DNAH17: variants seen among roughly 807,000 people sequenced by gnomAD.
DNAH17 encodes axonemal beta dynein heavy chain 17.
Under a neutral mutation model 485.6 loss-of-function variants are expected in DNAH17, and 376 were observed. The ratio of observed to expected loss-of-function variants is 0.77; its 90% CI spans 0.71 to 0.84. The LOEUF is 0.84. Among genes scored for constraint, DNAH17 ranks in the 40% least tolerant of loss-of-function variants. DNAH17 has a pLI of 0.00. For synonymous variants in DNAH17, 3,031 were observed against 2,405.9 expected, an observed-to-expected ratio of 1.26 and a Z score of -7.60; for missense variants, 6,370 against 5,839.3, an observed-to-expected ratio of 1.09 and a Z score of -2.96.
In DNAH17 at chr17:78,468,878, G is replaced by C. The variant is rs747224579; in HGVS notation, c.8517C>G (p.Asp2839Glu). 14 of 1,612,734 alleles carry C rather than the reference G, an allele frequency of 8.7e-6. No individual in the cohort carries two copies. In the South Asian group the frequency reaches 1.5e-4, roughly 18 times the overall value. Residue 2839 changes from aspartate (D) to glutamate (E), a missense_variant, in exon 55 of 81, where the codon GAC (aspartate) becomes GAG (glutamate). Transcript: ENST00000389840. ...CAGCCTTTATGTACTGAGCAGCGAG[G>C]TCAATCTGGACGGAGTGAGGACACG... ...KGYGIPDLKIDLAAQYIKAAV... is the reference protein window; with the variant it reads ...KGYGIPDLKIELAAQYIKAAV...
At chr17:78,460,341 T>TGTGCATGTGC in intron 58 of DNAH17, 84 bp from the exon 59 acceptor site, 3 of 936,500 alleles carry the variant, frequency 3.2e-6, no homozygotes, top group Non-Finnish European at 3.2e-6. Context: ...TGTGCATGTG[T>TGTGCATGTGC]GTGCATGTGT....
At chr17:78,507,187 G>T in intron 29 of DNAH17, 91 bp downstream of exon 29, 3 of 1,463,366 alleles carry the variant, frequency 2.1e-6, no homozygotes, top group Non-Finnish European at 2.8e-6. Context: ...GTCCTGGCCA[G>T]CAGGCTGCAC....
At chr17:78,512,181 G>C (rs918837628) in intron 26 of DNAH17, among the ~76,000 whole-genome samples, 1 of 152,228 alleles carries the variant, frequency 6.6e-6, no homozygotes, top group African/African-American at 2.4e-5. Flanking sequence ...CATAGGTACG[G>C]ATCTCTTGGG....
At chr17:78,456,526 A>G (rs377134237) in intron 62 of DNAH17, among the ~76,000 whole-genome samples, 62 of 152,220 alleles carry the variant, frequency 4.1e-4, no homozygotes, top group African/African-American at 1.4e-3. Flanking sequence ...GGTGAGGACC[A>G]CGGTGGCCAC....
rs376336751 is a variant in DNAH17, at chr17:78,566,981, C to A, written c.1452+18G>T. 498 of 1,599,810 alleles carry A rather than the reference C, an allele frequency of 3.1e-4. 1 individual carries two copies. The African/African-American group carries it at 6.3e-3, about 20-fold the overall frequency. On this transcript the variant is annotated intron_variant, in intron 10 of 80. Transcript: ENST00000389840. Reference sequence around the variant, plus strand: ...TTCTCACCGAGTCCAGTTCATCCAACCCTGCCCGAGGACCTACCGAGTCTC... The same window carrying A: ...TTCTCACCGAGTCCAGTTCATCCAAACCTGCCCGAGGACCTACCGAGTCTC...
At chr17:78,484,829 C>T (rs572362929) in intron 48 of DNAH17, 39 bp downstream of exon 48, 4 of 1,489,658 alleles carry the variant, frequency 2.7e-6, no homozygotes, top group Non-Finnish European at 3.6e-6. Context: ...CTCACCGCCC[C>T]GGGGCCACGC....
Position 78,502,675 on chromosome 17 carries a change from G to C in DNAH17, c.5106C>G (p.Ile1702Met), listed in dbSNP as rs370931769. The C allele has an allele frequency of 6.2e-7, 1 of 1,612,544 alleles. No individual in the cohort carries two copies. Among genetic ancestry groups the C allele is most frequent in the Non-Finnish European group, 8.5e-7 (1 of 1,179,942 alleles). The change falls in exon 33 of 81, where the codon ATC (isoleucine) becomes ATG (methionine). Residue 1702 changes from isoleucine to methionine, a missense_variant. Ile to Met is a conservative substitution (Grantham distance 10). Coordinates refer to ENST00000389840, the MANE Select transcript of DNAH17 (RefSeq NM_173628.4). The stretch of plus-strand genomic sequence containing the variant: ...CCAGGCCCACCTCGGTCGTCCACCA[G>C]ATCTGGGTGCAAGTCAGGGCCACCT... ...PAQVALTCTQ[I>M]WWTTEVGLAF...
At chr17:78,485,109 T>A (rs1425558329) in intron 47 of DNAH17, 76 bp from the exon 48 acceptor site, 2 of 1,482,770 alleles carry the variant, frequency 1.3e-6, no homozygotes, top group African/African-American at 1.4e-5. Flanking sequence ...GGGCGCTACC[T>A]GCTTCCCCGG....
chr17:78,435,051 G>C (rs1330649815), intron 74 of DNAH17, among the ~76,000 whole-genome samples: 1 of 152,206 alleles, frequency 6.6e-6, no homozygotes, highest in African/African-American at 2.4e-5. Context: ...TGGACAAGAA[G>C]GGGAGCAGCT....
At position 78,502,716 on chromosome 17, in the gene DNAH17, C is replaced by A. The variant is rs760099694; in HGVS notation, c.5083-18G>T. The A allele has an allele frequency of 6.2e-7, 1 of 1,608,288 alleles. No individual in the cohort carries two copies. The highest frequency in any genetic ancestry group is 1.1e-5 in the South Asian group (1 of 90,720). On this transcript the variant is annotated intron_variant, in intron 32 of 80. Transcript: ENST00000389840. ...AGGGCCACCTGAAAGTACATACCCCCCATTGCCCACGCAGTGAGCGATCGC... is the reference window on the plus strand; with the variant it reads ...AGGGCCACCTGAAAGTACATACCCCACATTGCCCACGCAGTGAGCGATCGC...
rs150140927 is a variant in DNAH17, at chr17:78,441,081, C to G, written c.11647G>C (p.Val3883Leu). 1 of 1,607,964 alleles carries G rather than the reference C, an allele frequency of 6.2e-7. No homozygotes were observed. Among genetic ancestry groups the G allele is most frequent in the Non-Finnish European group, 8.5e-7 (1 of 1,177,090 alleles). Residue 3883 changes from valine to leucine, a missense_variant, in exon 72 of 81, where the codon GTT becomes CTT. Physicochemically the swap from Val to Leu is conservative, Grantham distance 32 (BLOSUM62 1). Transcript: ENST00000389840. ...GCTTCCACGTCTTTCAAGGGGTCAA[C>G]CCCCGGGGAGAGGATGAAGAAGATT... is the stretch of plus-strand genomic sequence containing the variant. ...TSIFFILSPG[V>L]DPLKDVEALG...
In DNAH17 at chr17:78,474,875, C is replaced by T. The variant is rs144021438; in HGVS notation, c.8511+403G>A. 2.3e-3 allele frequency among the ~76,000 whole-genome samples: 353 copies of T among 151,142 alleles called. 3 individuals are homozygous for T. The highest frequency in any genetic ancestry group is 8.0e-3 in the African/African-American group (329 of 40,938). Reference sequence around the variant, plus strand: ...GTCATGCGGGCCGGAAGATTTCACACCCTTCACCTCAGTCACATGGGCCGG... The same window carrying T: ...GTCATGCGGGCCGGAAGATTTCACATCCTTCACCTCAGTCACATGGGCCGG... On this transcript the variant is annotated intron_variant, in intron 54 of 80. Transcript: ENST00000389840.
At chr17:78,529,383 A>G (rs2091165913) in intron 22 of DNAH17, 89 bp downstream of exon 22, 2 of 1,265,588 alleles carry the variant, frequency 1.6e-6, no homozygotes, top group Non-Finnish European at 2.3e-6. Flanking sequence ...AGCATCCCCC[A>G]TGGTTGCGTT....
chr17:78,569,033 C>T (rs1398235229), intron 9 of DNAH17, 133 bp downstream of exon 9: 1 of 720,288 alleles, frequency 1.4e-6, no homozygotes. Context: ...TTCCTCATAA[C>T]AGATATTTGG....
At chr17:78,478,366 C>A (rs548017537) in intron 51 of DNAH17, among the ~76,000 whole-genome samples, 2 of 151,140 alleles carry the variant, frequency 1.3e-5, no homozygotes, top group African/African-American at 2.5e-5. Flanking sequence ...CCATCACCAC[C>A]ACCATCACTG....
chr17:78,491,680 C>T (rs1368135328), intron 42 of DNAH17, 110 bp from the exon 43 acceptor site: 1 of 1,464,962 alleles, frequency 6.8e-7, no homozygotes, highest in South Asian at 1.4e-5. Flanking sequence ...TCCCCTACTT[C>T]AGAGGAACAG....
At chr17:78,564,564 G>C (rs556747759) in intron 11 of DNAH17, among the ~76,000 whole-genome samples, 1 of 152,060 alleles carries the variant, frequency 6.6e-6, no homozygotes, top group South Asian at 2.1e-4. Flanking sequence ...ACCCTTCTGC[G>C]CTGGGGCAGT....
In DNAH17 at chr17:78,434,234, G is replaced by A. The variant is rs374496235; in HGVS notation, c.12034-14C>T. On this transcript the variant is annotated splice_polypyrimidine_tract_variant and intron_variant, in intron 74 of 80. Coordinates refer to ENST00000389840, the MANE Select transcript of DNAH17 (RefSeq NM_173628.4). ...CTCCAGGGTGTCCTGTGGGGCACACGCTCCGGTCAGGTATTAGGGAGAGGG... is the reference window on the plus strand; with the variant it reads ...CTCCAGGGTGTCCTGTGGGGCACACACTCCGGTCAGGTATTAGGGAGAGGG... The A allele has an allele frequency of 4.8e-5, 77 of 1,595,126 alleles. No homozygotes were observed. Among genetic ancestry groups the A allele is most frequent in the Admixed American group, 8.4e-5 (5 of 59,254 alleles).
At chr17:78,461,496 G>T (rs1047385135) in intron 58 of DNAH17, 48 bp downstream of exon 58, 10 of 1,484,730 alleles carry the variant, frequency 6.7e-6, no homozygotes, top group African/African-American at 2.8e-5. Flanking sequence ...AGGAGGCCTG[G>T]CCAGTGCAGC....
Sources: gnomAD v4.1 joint callset for allele counts (sites outside exome capture counted in the v4.1 genomes callset) on GRCh38, gnomAD v4.1.1 for gene constraint, MANE v1.5 for transcripts, NCBI Gene and HGNC (gene_info 2026-07-23, HGNC 2026-07-21) for gene names.